The following SNRNP48 variants were observed in gnomAD, a reference collection of about 807,000 sequenced individuals.
SNRNP48 encodes U11/U12 small nuclear ribonucleoprotein 48 kDa protein.
Under a neutral mutation model 47.0 loss-of-function variants are expected in SNRNP48, and 43 were observed. That is an observed-to-expected ratio of 0.92 (90% confidence interval 0.72 to 1.18). The LOEUF (loss-of-function observed/expected upper bound fraction) is 1.18, where lower values mean the gene tolerates loss of function less well. Ranked by LOEUF, SNRNP48 falls within the 50% of genes most tolerant of loss-of-function variation. SNRNP48 has a pLI of 0.00. For synonymous variants in SNRNP48, 138 were observed against 144.0 expected, an observed-to-expected ratio of 0.96 and a Z score of 0.30; for missense variants, 396 against 422.2, an observed-to-expected ratio of 0.94 and a Z score of 0.54.
Position 7,601,481 on chromosome 6 carries a change from T to G in SNRNP48, c.552T>G (p.Asn184Lys), listed in dbSNP as rs778388759. ...GCTCTGATTCTCAAATTATTGAAAA[T>G]GACAGCGATCTCTTTGTAGACTTGG... ...KKRSDSQIIE[N>K]DSDLFVDLAA... The change falls in exon 5 of 9, where the codon AAT (asparagine) becomes AAG (lysine). Residue 184 changes from asparagine (N) to lysine (K), a missense_variant. Coordinates refer to ENST00000342415, the MANE Select transcript of SNRNP48 (RefSeq NM_152551.4). The G allele has an allele frequency of 6.3e-7, 1 of 1,598,094 alleles. No homozygotes were observed. The highest frequency in any genetic ancestry group is 8.5e-7 in the Non-Finnish European group (1 of 1,176,532).
At chr6:7,607,282 C>T (rs1760145298) in intron 8 of SNRNP48, among the ~76,000 whole-genome samples, 1 of 152,234 alleles carries the variant, frequency 6.6e-6, no homozygotes, top group Non-Finnish European at 1.5e-5. Flanking sequence ...CTCACCCCTG[C>T]ACTCCAGCCT....
chr6:7,592,670 A>G (rs1759838933), intron 1 of SNRNP48, among the ~76,000 whole-genome samples: 1 of 152,128 alleles, frequency 6.6e-6, no homozygotes, highest in Non-Finnish European at 1.5e-5. Flanking sequence ...AGTGGCAGAG[A>G]TGGAATTCAA....
At chr6:7,591,649 C>T (rs1183494369) in intron 1 of SNRNP48, among the ~76,000 whole-genome samples, 1 of 152,146 alleles carries the variant, frequency 6.6e-6, no homozygotes, top group Admixed American at 6.5e-5. Flanking sequence ...CTCAGCATTG[C>T]GGTAACATTG....
intron 2 of SNRNP48, 69 bp from the exon 3 acceptor site, chr6:7,594,030 T>C: frequency 9.5e-7 from 1 of 1,056,036 alleles, no homozygotes; most frequent in Non-Finnish European, 1.4e-6. Context: ...TACTAATCTA[T>C]TGTTTAGGTC....
At chr6:7,605,585 A>G in intron 7 of SNRNP48, 99 bp downstream of exon 7, 1 of 1,077,036 alleles carries the variant, frequency 9.3e-7, no homozygotes. Context: ...AACCCTTGAT[A>G]GCACACAGTA....
At chr6:7,593,337 G>A (rs947091347) in intron 1 of SNRNP48, among the ~76,000 whole-genome samples, 2 of 152,098 alleles carry the variant, frequency 1.3e-5, no homozygotes, top group African/African-American at 4.8e-5. Flanking sequence ...ATTGGAGTGT[G>A]ACCTTCCAAG....
At chr6:7,593,542 G>A (rs1432444827) in intron 1 of SNRNP48, among the ~76,000 whole-genome samples, 192 bp from the exon 2 acceptor site, 1 of 151,974 alleles carries the variant, frequency 6.6e-6, no homozygotes, top group East Asian at 1.9e-4. Context: ...AGAGGACAGG[G>A]GCATTTAGGG....
rs1180471116 is a variant in SNRNP48, at chr6:7,592,753, A to AGAGC, written c.157-971_157-968dup. On this transcript the variant is annotated intron_variant, in intron 1 of 8. Transcript: ENST00000342415. Reference sequence around the variant, plus strand: ...CAGAGAGAGAGAGCAAGAGTGAGAGAGAGCGAGCGAGCGTAGTCAGGAGAT... The same window carrying AGAGC: ...CAGAGAGAGAGAGCAAGAGTGAGAGAGAGCGAGCGAGCGAGCGTAGTCAGGAGAT... 8.5e-5 allele frequency among the ~76,000 whole-genome samples: 13 copies of AGAGC among 152,244 alleles called. No individual in the cohort carries two copies. The South Asian group carries it at 2.7e-3, about 32-fold the overall frequency.
In SNRNP48 at chr6:7,610,353, A is replaced by G. The variant is rs1353656931; in HGVS notation, c.*1480A>G. ...TTGGAAATCACCAGGTTACTTGCCA[A>G]TATATAGTCATATTGCTGCCATTGT... On this transcript the variant is annotated 3_prime_UTR_variant, in exon 9 of 9. Transcript: ENST00000342415. The G allele has an allele frequency of 6.6e-6, 1 of 152,206 alleles. No homozygotes were observed. Among genetic ancestry groups the G allele is most frequent in the Non-Finnish European group, 1.5e-5 (1 of 68,036 alleles). 9.4% of individuals were successfully genotyped at this position (152,206 alleles called of 1,614,324 possible).
intron 4 of SNRNP48, among the ~76,000 whole-genome samples, chr6:7,597,584 G>A (rs902512240): frequency 2.0e-5 from 3 of 152,094 alleles, no homozygotes; most frequent in African/African-American, 7.2e-5. Flanking sequence ...AAAATTGGTA[G>A]CTTCTATGGT....
In SNRNP48 at chr6:7,607,480, C is replaced by T. The variant is rs114447133; in HGVS notation, c.971+1285C>T. On this transcript the variant is annotated intron_variant, in intron 8 of 8. Transcript: ENST00000342415. Reference sequence around the variant, plus strand: ...TGAGTTACTTAGAGTTCCTCATCCACACTGTGCCACATCTATGCCTTTCCA... The same window carrying T: ...TGAGTTACTTAGAGTTCCTCATCCATACTGTGCCACATCTATGCCTTTCCA... Among the ~76,000 whole-genome samples, 485 of 152,324 alleles carry T rather than the reference C, an allele frequency of 3.2e-3. 4 individuals are homozygous for T. Among genetic ancestry groups the T allele is most frequent in the African/African-American group, 0.01 (427 of 41,574 alleles).
At chr6:7,599,316 A>G (rs1262858352) in intron 4 of SNRNP48, among the ~76,000 whole-genome samples, 2 of 152,190 alleles carry the variant, frequency 1.3e-5, no homozygotes, top group East Asian at 3.8e-4. Flanking sequence ...TAGAGTTTCA[A>G]TTTGGGGTGA....
Position 7,602,718 on chromosome 6 carries a change from C to A in SNRNP48, c.691C>A (p.His231Asn). The change falls in exon 6 of 9, where the codon CAC becomes AAC. Residue 231 changes from histidine (H) to asparagine (N), a missense_variant. By Grantham distance (68) the His-to-Asn change is moderately conservative. Transcript: ENST00000342415. The part of the protein sequence containing the change: ...RRQSYRAKNV[H>N]ITKKSYTEVI... Reference sequence around the variant, plus strand: ...CCAGTCCTATAGAGCCAAGAATGTTCACATAACCAAGAAATCATATACTGA... The same window carrying A: ...CCAGTCCTATAGAGCCAAGAATGTTAACATAACCAAGAAATCATATACTGA... 6.3e-7 allele frequency: 1 copy of A among 1,588,132 alleles called. No homozygotes were observed. The highest frequency in any genetic ancestry group is 1.2e-5 in the South Asian group (1 of 85,668).
intron 8 of SNRNP48, among the ~76,000 whole-genome samples, chr6:7,608,222 GTTTT>G (rs564361195): frequency 4.1e-5 from 6 of 146,496 alleles, no homozygotes; most frequent in Non-Finnish European, 9.1e-5. Flanking sequence ...GAATTAAAGT[GTTTT>G]TTTTTTTAAG....
chr6:7,592,048 G>A (rs942700965), intron 1 of SNRNP48, among the ~76,000 whole-genome samples: 22 of 152,150 alleles, frequency 1.4e-4, no homozygotes, highest in Admixed American at 1.4e-3. Flanking sequence ...ATTATCATGG[G>A]TCTGTGATGG....
Position 7,608,813 on chromosome 6 carries a change from C to G in SNRNP48, c.972-12C>G. The stretch of plus-strand genomic sequence containing the variant: ...CATTTATAACCATTTTTTTATACCT[C>G]TTTTATTTCAGGGATGGGGAAAGAC... On this transcript the variant is annotated splice_polypyrimidine_tract_variant and intron_variant, in intron 8 of 8. Coordinates refer to ENST00000342415, the MANE Select transcript of SNRNP48 (RefSeq NM_152551.4). 1.4e-6 allele frequency: 2 copies of G among 1,473,690 alleles called. No individual in the cohort carries two copies. Among genetic ancestry groups the G allele is most frequent in the East Asian group, 4.7e-5 (2 of 42,122 alleles). The allele number at this position is 1,473,690 out of a possible 1,614,324, so 91.3% of individuals were successfully genotyped here.
rs1360060151 is a variant in SNRNP48 at position 7,597,983 on chromosome 6, A to G, written c.406+2882A>G. ...TGGGTTCACGCCATTCTTCTGCCTC[A>G]GGTCCCGAGTAGCTGGGACTACAGG... On this transcript the variant is annotated intron_variant, in intron 4 of 8. Coordinates refer to ENST00000342415, the MANE Select transcript of SNRNP48 (RefSeq NM_152551.4). Among the ~76,000 whole-genome samples the G allele has an allele frequency of 2.0e-5, 3 of 150,640 alleles. No homozygotes were observed. The East Asian group carries it at 6.0e-4, about 30-fold the overall frequency.
intron 7 of SNRNP48, 67 bp from the exon 8 acceptor site, chr6:7,605,964 T>C: frequency 6.8e-7 from 1 of 1,460,002 alleles, no homozygotes; most frequent in Non-Finnish European, 9.2e-7. Flanking sequence ...TAGACTGGTG[T>C]GTCTGTGTAC....
At chr6:7,605,888 A>G (rs947919834) in intron 7 of SNRNP48, 143 bp from the exon 8 acceptor site, 21 of 917,798 alleles carry the variant, frequency 2.3e-5, no homozygotes, top group South Asian at 1.9e-4. Context: ...GTCCTTTTAT[A>G]TGGGTTATAA....
Sources: allele counts gnomAD v4.1 joint callset (sites outside exome capture counted in the v4.1 genomes callset), GRCh38; gene constraint gnomAD v4.1.1; transcripts MANE v1.5; gene names NCBI Gene and HGNC (gene_info 2026-07-23, HGNC 2026-07-21).